DAB1: variants seen among roughly 807,000 people sequenced by gnomAD.
DAB1 encodes disabled homolog 1.
Under a neutral mutation model 64.6 loss-of-function variants are expected in DAB1, and 15 were observed. The observed-to-expected ratio is 0.23, with a 90% CI of 0.16 to 0.36. The LOEUF is 0.36. DAB1 is among the 10% of genes least tolerant of loss of function. The pLI is 1.00. For missense variants in DAB1, 596 were observed against 706.7 expected (o/e 0.84, Z 1.78); for synonymous variants, 235 against 251.9 (o/e 0.93, Z 0.64).
chr1:57,523,863 T>G (rs899594723), intron 7 of DAB1, among the ~76,000 whole-genome samples: 7 of 151,758 alleles, frequency 4.6e-5, no homozygotes, highest in African/African-American at 1.7e-4. Context: ...AGGCAGAAGT[T>G]GCAGTGAGCC....
chr1:58,003,054 T>C (rs183127722), intron 5 of DAB1, among the ~76,000 whole-genome samples: 23 of 152,302 alleles, frequency 1.5e-4, no homozygotes, highest in Non-Finnish European at 1.5e-5. Flanking sequence ...CATATTAATG[T>C]TCATTTTATT....
chr1:57,051,734 G>C (rs949284927), intron 9 of DAB1, among the ~76,000 whole-genome samples: 1 of 152,192 alleles, frequency 6.6e-6, no homozygotes, highest in Non-Finnish European at 1.5e-5. Flanking sequence ...GTGCCAGACA[G>C]AGTGAAGCTT....
chr1:57,014,186 G>A (rs1432654851), intron 12 of DAB1, among the ~76,000 whole-genome samples: 2 of 152,160 alleles, frequency 1.3e-5, no homozygotes, highest in African/African-American at 4.8e-5. Flanking sequence ...TAGAAATAAA[G>A]TGCTTTGCCA....
chr1:58,046,037 G>T (rs1647242267), intron 5 of DAB1, among the ~76,000 whole-genome samples: 1 of 151,848 alleles, frequency 6.6e-6, no homozygotes, highest in South Asian at 2.1e-4. Flanking sequence ...ATAGAAAGAG[G>T]CCTGTTAAGG....
chr1:57,889,859 A>C (rs1372599371), intron 5 of DAB1, among the ~76,000 whole-genome samples: 1 of 124,524 alleles, frequency 8.0e-6, no homozygotes, highest in Admixed American at 1.0e-4. Flanking sequence ...GAAATTTTCT[A>C]CAAGCTCCTC....
intron 6 of DAB1, among the ~76,000 whole-genome samples, chr1:57,687,046 A>T (rs1473417366): frequency 6.6e-6 from 1 of 152,204 alleles, no homozygotes; most frequent in Non-Finnish European, 1.5e-5. Context: ...TTGCCAAAGC[A>T]ATCAGGCAAG....
chr1:57,889,916 G>A (rs1412937406), intron 5 of DAB1, among the ~76,000 whole-genome samples: 2 of 141,944 alleles, frequency 1.4e-5, no homozygotes, highest in Non-Finnish European at 3.1e-5. Flanking sequence ...GGGGGAGGGG[G>A]AAGAAATCAC....
intron 1 of DAB1, among the ~76,000 whole-genome samples, chr1:57,329,484 T>C (rs1484839745): frequency 1.3e-5 from 2 of 152,118 alleles, no homozygotes; most frequent in Non-Finnish European, 2.9e-5. Flanking sequence ...TCCGGTTTTT[T>C]TGCATATCTA....
In DAB1 at chr1:58,433,956, C is replaced by T. The variant is rs1316839555; in HGVS notation, n.257+72104G>A. ...GCAGAAGGGAGAGGCAATGCAAAAG[C>T]TCCCAGGTGGGAGCTTCTTGGAGTT... is the stretch of plus-strand genomic sequence containing the variant. On this transcript the variant is annotated intron_variant and non_coding_transcript_variant, in intron 3 of 20. Transcript: ENST00000485760. Among the ~76,000 whole-genome samples, 6 of 152,106 alleles carry T rather than the reference C, an allele frequency of 3.9e-5. No homozygotes were observed. The East Asian group carries it at 1.2e-3, about 29-fold the overall frequency.
At chr1:58,108,664 C>T (rs1336739604) in intron 5 of DAB1, among the ~76,000 whole-genome samples, 2 of 152,128 alleles carry the variant, frequency 1.3e-5, no homozygotes, top group Non-Finnish European at 2.9e-5. Flanking sequence ...ATTGCCACTG[C>T]TATGAGCTCC....
chr1:57,243,047 C>T (rs969984807), intron 2 of DAB1, among the ~76,000 whole-genome samples: 2 of 152,164 alleles, frequency 1.3e-5, no homozygotes, highest in African/African-American at 4.8e-5. Flanking sequence ...GTTACCAGCA[C>T]TGGAGGGTCC....
At chr1:57,565,892 C>A (rs534247382) in intron 7 of DAB1, among the ~76,000 whole-genome samples, 17 of 152,248 alleles carry the variant, frequency 1.1e-4, no homozygotes, top group Non-Finnish European at 2.2e-4. Flanking sequence ...ACAAGGATAT[C>A]CAGGAATGGA....
chr1:58,198,360 C>A (rs1657805865), intron 4 of DAB1, among the ~76,000 whole-genome samples: 1 of 152,214 alleles, frequency 6.6e-6, no homozygotes, highest in Non-Finnish European at 1.5e-5. Context: ...AATATTTATT[C>A]CTTTTTTCAT....
At chr1:57,163,456 G>T (rs546279276) in intron 2 of DAB1, among the ~76,000 whole-genome samples, 3 of 151,968 alleles carry the variant, frequency 2.0e-5, no homozygotes, top group African/African-American at 7.2e-5. Flanking sequence ...CAAGGGGAAG[G>T]GGGTTAGAGG....
intron 9 of DAB1, among the ~76,000 whole-genome samples, chr1:57,036,431 G>T (rs1345016949): frequency 2.0e-5 from 3 of 152,012 alleles, no homozygotes; most frequent in African/African-American, 7.2e-5. Flanking sequence ...TACCTGTTTG[G>T]GGCAACCTTT....
chr1:58,536,805 A>T (rs1350616647), intron 1 of DAB1: 2 of 794,300 alleles, frequency 2.5e-6, no homozygotes, highest in Non-Finnish European at 2.2e-6. Context: ...TAAAGCTCAA[A>T]TGCATACACT....
At chr1:57,917,600 G>T (rs1363395600) in intron 5 of DAB1, among the ~76,000 whole-genome samples, 1 of 151,684 alleles carries the variant, frequency 6.6e-6, no homozygotes, top group African/African-American at 2.4e-5. Flanking sequence ...AGAGAGACAT[G>T]TACCTTGACA....
chr1:58,081,884 G>C (rs1355058365), intron 5 of DAB1, among the ~76,000 whole-genome samples: 1 of 152,092 alleles, frequency 6.6e-6, no homozygotes, highest in East Asian at 1.9e-4. Context: ...TTTCTGCTGA[G>C]GTCAGATGCT....
At chr1:58,010,149 T>TG (rs1433506356) in intron 5 of DAB1, among the ~76,000 whole-genome samples, 1 of 152,134 alleles carries the variant, frequency 6.6e-6, no homozygotes, top group Non-Finnish European at 1.5e-5. Context: ...CAGGCCTGAC[T>TG]TTTTCATAAG....
Sources: gnomAD v4.1 joint callset for allele counts (sites outside exome capture counted in the v4.1 genomes callset) on GRCh38, gnomAD v4.1.1 for gene constraint, MANE v1.5 for transcripts, NCBI Gene and HGNC (gene_info 2026-07-23, HGNC 2026-07-21) for gene names.